Variants in HECTD4 observed in about 807,000 individuals in gnomAD.
HECTD4 encodes the protein probable E3 ubiquitin-protein ligase HECTD4.
A neutral mutation model predicts 471.5 loss-of-function variants in HECTD4; 114 were observed. The observed-to-expected ratio is 0.24, with a 90% CI of 0.21 to 0.28. The LOEUF is 0.28. Ranked by LOEUF, HECTD4 falls within the 10% of genes least tolerant of loss-of-function variation. The pLI, the probability that HECTD4 is intolerant of heterozygous loss-of-function variation, is 1.00. For synonymous variants in HECTD4, 2,012 were observed against 2,256.0 expected, an observed-to-expected ratio of 0.89 and a Z score of 3.07; for missense variants, 3,866 against 5,651.5, an observed-to-expected ratio of 0.68 and a Z score of 10.13.
Position 112,203,871 on chromosome 12 carries a change from T to TAATAA in HECTD4, c.8270-104_8270-100dup, listed in dbSNP as rs921595969. 3.8e-4 allele frequency: 235 copies of TAATAA among 622,344 alleles called. 1 individual carries two copies. Among genetic ancestry groups the TAATAA allele is most frequent in the African/African-American group, 3.3e-3 (176 of 52,770 alleles). 38.6% of individuals were successfully genotyped at this position (622,344 alleles called of 1,614,324 possible). A position where few individuals can be genotyped will look rare whatever the true frequency, so the allele number is the denominator to read the frequency against. ...AATAGCTCTCCAGATAAACATAAAA[T>TAATAA]AATAAAATAAAATAAAATAAAATAG... On this transcript the variant is annotated intron_variant, in intron 53 of 75. Coordinates refer to ENST00000682272, the MANE Select transcript of HECTD4 (RefSeq NM_001388303.1).
At chr12:112,316,750 A>C (rs2035488199) in intron 2 of HECTD4, among the ~76,000 whole-genome samples, 1 of 152,192 alleles carries the variant, frequency 6.6e-6, no homozygotes, top group South Asian at 2.1e-4. Flanking sequence ...CCAAAAATTC[A>C]ATAATATGCC....
At chr12:112,268,967 C>G (rs1322266276) in intron 13 of HECTD4, among the ~76,000 whole-genome samples, 1 of 145,824 alleles carries the variant, frequency 6.9e-6, no homozygotes, top group African/African-American at 2.5e-5. Context: ...CTCCGCCTCC[C>G]GGGTTCACGC....
intron 29 of HECTD4, among the ~76,000 whole-genome samples, chr12:112,245,453 C>A (rs2135582674): frequency 6.6e-6 from 1 of 152,326 alleles, no homozygotes; most frequent in Non-Finnish European, 1.5e-5. Flanking sequence ...TATACAGGAC[C>A]TTTAACAAGG....
chr12:112,373,497 G>A (rs1179981843), intron 1 of HECTD4, among the ~76,000 whole-genome samples: 1 of 151,808 alleles, frequency 6.6e-6, no homozygotes, highest in African/African-American at 2.4e-5. Flanking sequence ...ACTCCAGCCT[G>A]GGCGACAAAG....
intron 9 of HECTD4, among the ~76,000 whole-genome samples, chr12:112,276,662 G>T (rs560732088): frequency 6.6e-6 from 1 of 152,232 alleles, no homozygotes; most frequent in Non-Finnish European, 1.5e-5. Context: ...GGCCACGATG[G>T]TCTCGATCTC....
intron 18 of HECTD4, 71 bp downstream of exon 18, chr12:112,261,234 A>T: frequency 7.0e-7 from 1 of 1,436,724 alleles, no homozygotes; most frequent in Middle Eastern, 1.8e-4. Context: ...TATTCTAAAA[A>T]GATTTAATTT....
chr12:112,379,116 TAG>T (rs1165218709), intron 1 of HECTD4, among the ~76,000 whole-genome samples: 1 of 150,986 alleles, frequency 6.6e-6, no homozygotes, highest in African/African-American at 2.4e-5. Flanking sequence ...TAAAAGAAAA[TAG>T]AGATTCTTCC....
chr12:112,285,748 AC>A (rs1418424016), intron 7 of HECTD4, among the ~76,000 whole-genome samples: 2 of 151,906 alleles, frequency 1.3e-5, no homozygotes, highest in African/African-American at 2.4e-5. Context: ...CCTTGCTACT[AC>A]GATCTAGTTC....
At chr12:112,289,276 A>AT (rs1160399533) in intron 7 of HECTD4, among the ~76,000 whole-genome samples, 4 of 152,052 alleles carry the variant, frequency 2.6e-5, no homozygotes, top group Admixed American at 2.0e-4. Context: ...ATTAAAAAAA[A>AT]TTTTTTTGTA....
At position 112,193,709 on chromosome 12, in the gene HECTD4, T is replaced by G; in HGVS notation, c.8750-35A>C. 6.4e-6 allele frequency: 10 copies of G among 1,571,630 alleles called. No individual in the cohort carries two copies. Among genetic ancestry groups the G allele is most frequent in the Non-Finnish European group, 8.7e-6 (10 of 1,154,002 alleles). On this transcript the variant is annotated intron_variant, in intron 56 of 75. Transcript: ENST00000682272. The surrounding 1 kb of genome is among the most constrained non-coding windows in gnomAD (Gnocchi z 5.2). ...GAAAGGAAACAGAAGTTGACAAGAA[T>G]CAAAGCAGCCAGTAGCTGTGAGAGT...
Position 112,235,482 on chromosome 12 carries a change from C to CAA in HECTD4, c.5725+21_5725+22insTT. ...AGGAATGCTGCACTGCCATGCTACT[C>CAA]TCCTGTTGAGGAGCTTCTCACCTGG... On this transcript the variant is annotated intron_variant, in intron 36 of 75. Transcript: ENST00000682272. This position sits in a 1 kb window ranked among gnomAD's most constrained non-coding sequence, Gnocchi z 5.0. The CAA allele has an allele frequency of 1.3e-6, 2 of 1,590,058 alleles. No individual in the cohort carries two copies. The highest frequency in any genetic ancestry group is 1.7e-6 in the Non-Finnish European group (2 of 1,167,824).
intron 55 of HECTD4, among the ~76,000 whole-genome samples, chr12:112,195,518 A>G (rs2032214002): frequency 6.6e-6 from 1 of 152,214 alleles, no homozygotes; most frequent in South Asian, 2.1e-4. Context: ...AAAGGGCCAC[A>G]TATTGGATTC....
In HECTD4 at chr12:112,172,743, C is replaced by A. The variant is rs536620571; in HGVS notation, c.11713G>T (p.Ala3905Ser). The change falls in exon 67 of 76, where the codon GCA becomes TCA. Residue 3905 changes from alanine to serine, a missense_variant. By Grantham distance (99) the Ala-to-Ser change is moderately conservative. Transcript: ENST00000682272. ...TACACCTCATGGGGATGGAGCCGTG[C>A]GGGTGTGATGGCGAGGTGGCGGCAT... The part of the protein sequence containing the change: ...QLCRHLAITP[A>S]RLHPHEVYLD... 3.1e-6 allele frequency: 5 copies of A among 1,613,920 alleles called. No homozygotes were observed. The highest frequency in any genetic ancestry group is 1.1e-5 in the South Asian group (1 of 91,078).
intron 1 of HECTD4, among the ~76,000 whole-genome samples, chr12:112,376,315 C>T (rs979621162): frequency 2.0e-5 from 3 of 152,048 alleles, no homozygotes; most frequent in African/African-American, 2.4e-5. Flanking sequence ...GGCCTGATCT[C>T]GGCTCACTGC....
intron 19 of HECTD4, 184 bp from the exon 20 acceptor site, chr12:112,258,780 G>A: frequency 3.5e-6 from 2 of 569,480 alleles, no homozygotes; most frequent in Non-Finnish European, 6.0e-6. Flanking sequence ...GTAATGGAAT[G>A]CATCATTTAT....
At chr12:112,253,965 T>C in intron 22 of HECTD4, 78 bp downstream of exon 22, 1 of 1,507,870 alleles carries the variant, frequency 6.6e-7, no homozygotes, top group Non-Finnish European at 9.1e-7. Flanking sequence ...TTTTCTGGGA[T>C]TACAGTTAGT....
chr12:112,279,247 A>G lies in HECTD4; in HGVS notation c.1668T>C (p.Ser556=). 1 of 1,609,214 alleles carries G rather than the reference A, an allele frequency of 6.2e-7. No homozygotes were observed. Among genetic ancestry groups the G allele is most frequent in the Non-Finnish European group, 8.5e-7 (1 of 1,178,918 alleles). ...ACTTACTTTTTAAAGATGACAAACCACTTGTTCCACCAAAAAGAGATCGGG... is the reference window on the plus strand; with the variant it reads ...ACTTACTTTTTAAAGATGACAAACCGCTTGTTCCACCAAAAAGAGATCGGG... The part of the protein sequence containing the change: ...SATRSLFGGT[S]GLSSLKILAS... Residue 556 remains serine, a synonymous_variant, in exon 9 of 76, where the codon AGT becomes AGC. Coordinates refer to ENST00000682272, the MANE Select transcript of HECTD4 (RefSeq NM_001388303.1).
intron 55 of HECTD4, 101 bp from the exon 56 acceptor site, chr12:112,195,167 G>C: frequency 9.8e-7 from 1 of 1,017,980 alleles, no homozygotes; most frequent in Non-Finnish European, 1.4e-6. Flanking sequence ...CCTGCCTCAG[G>C]CTTCTCTTCC....
At position 112,204,718 on chromosome 12, in the gene HECTD4, C is replaced by A. The variant is rs1462565335; in HGVS notation, c.8132-95G>T. 4.1e-6 allele frequency: 4 copies of A among 982,486 alleles called. No individual in the cohort carries two copies. The Admixed American group carries it at 8.1e-5, about 20-fold the overall frequency. The allele number at this position is 982,486 out of a possible 1,614,324, so 60.9% of individuals were successfully genotyped here. ...ATGTAGAGTGAAATGATAAGGGAAT[C>A]TTTCAAACATTGTTTATGAAAGTAC... On this transcript the variant is annotated intron_variant, in intron 52 of 75. Transcript: ENST00000682272.
Sources: gnomAD v4.1 joint callset for allele counts (sites outside exome capture counted in the v4.1 genomes callset) on GRCh38, gnomAD v4.1.1 for gene constraint, Gnocchi (gnomAD v3.1) non-coding constraint, MANE v1.5 for transcripts, NCBI Gene and HGNC (gene_info 2026-07-23, HGNC 2026-07-21) for gene names.